The following BDH1 variants were observed in gnomAD, a reference collection of about 807,000 sequenced individuals.
BDH1 encodes D-beta-hydroxybutyrate dehydrogenase, mitochondrial.
BDH1 carries 30 observed loss-of-function variants against 33.1 expected under a neutral mutation model. The observed-to-expected ratio is 0.91, with a 90% CI of 0.68 to 1.23. The LOEUF (loss-of-function observed/expected upper bound fraction) is 1.23. BDH1 is among the 50% of genes most tolerant of loss of function. The pLI is 0.00. For missense variants in BDH1, 443 were observed against 464.4 expected, an observed-to-expected ratio of 0.95 and a Z score of 0.42; for synonymous variants, 190 against 183.6, an observed-to-expected ratio of 1.03 and a Z score of -0.28.
chr3:197,562,714 C>T (rs187599054), intron 1 of BDH1, among the ~76,000 whole-genome samples: 1 of 151,810 alleles, frequency 6.6e-6, no homozygotes, highest in African/African-American at 2.4e-5. Context: ...TCACATCGAT[C>T]CATGCACAAA....
chr3:197,526,777 G>A lies in BDH1; in HGVS notation c.268-3996C>T, dbSNP rs1383859074. On this transcript the variant is annotated intron_variant, in intron 5 of 7. Coordinates refer to ENST00000392379, the MANE Select transcript of BDH1 (RefSeq NM_203314.3). The surrounding 1 kb of genome is among the most constrained non-coding windows in gnomAD (Gnocchi z 4.7). Reference sequence around the variant, plus strand: ...CTCCGCTCCCAGACGAGCCACTCCTGTCTCAATCTCGGGCCTTTAGACTTC... The same window carrying A: ...CTCCGCTCCCAGACGAGCCACTCCTATCTCAATCTCGGGCCTTTAGACTTC... Among the ~76,000 whole-genome samples the A allele has an allele frequency of 6.6e-6, 1 of 152,196 alleles. No homozygotes were observed. The highest frequency in any genetic ancestry group is 1.9e-4 in the East Asian group (1 of 5,192).
chr3:197,543,686 G>A (rs1715850270), intron 3 of BDH1, among the ~76,000 whole-genome samples: 1 of 152,226 alleles, frequency 6.6e-6, no homozygotes, highest in South Asian at 2.1e-4. Context: ...AGTGGTGGGT[G>A]TTTTGTTCAG....
intron 5 of BDH1, among the ~76,000 whole-genome samples, chr3:197,531,737 G>A (rs1020465965): frequency 4.6e-5 from 7 of 152,148 alleles, no homozygotes; most frequent in Admixed American, 2.6e-4. Context: ...AGTGATGGAC[G>A]TATTCTAAAG....
chr3:197,543,812 G>C (rs916080913), intron 3 of BDH1, among the ~76,000 whole-genome samples: 1 of 152,218 alleles, frequency 6.6e-6, no homozygotes, highest in Non-Finnish European at 1.5e-5. Flanking sequence ...GGTGGAGTAA[G>C]AGTAGACAAG....
chr3:197,570,822 T>G (rs1215681141), intron 1 of BDH1, among the ~76,000 whole-genome samples: 2 of 152,198 alleles, frequency 1.3e-5, no homozygotes, highest in Non-Finnish European at 2.9e-5. Flanking sequence ...GGTTGAAGCC[T>G]CCACACAAAG....
At chr3:197,569,326 T>C (rs1053718235) in intron 1 of BDH1, among the ~76,000 whole-genome samples, 1 of 152,166 alleles carries the variant, frequency 6.6e-6, no homozygotes, top group Non-Finnish European at 1.5e-5. Context: ...GCATCATTCA[T>C]GTGGATAATC....
chr3:197,547,105 C>CAT (rs1331022498), intron 2 of BDH1, among the ~76,000 whole-genome samples: 3 of 152,018 alleles, frequency 2.0e-5, no homozygotes, highest in Non-Finnish European at 4.4e-5. Context: ...GTAATTAACA[C>CAT]ACACACACAC....
intron 3 of BDH1, among the ~76,000 whole-genome samples, chr3:197,537,844 C>T (rs982432131): frequency 6.6e-6 from 1 of 152,150 alleles, no homozygotes; most frequent in Non-Finnish European, 1.5e-5. Context: ...CCTTATATCC[C>T]TGGAACAAAC....
intron 6 of BDH1, among the ~76,000 whole-genome samples, chr3:197,517,153 TCTCA>T (rs1475015216): frequency 2.0e-5 from 3 of 152,066 alleles, no homozygotes; most frequent in African/African-American, 2.4e-5. Flanking sequence ...GGTCTGTTTG[TCTCA>T]CTCACTCCTC....
At chr3:197,544,822 G>A (rs1056245111) in intron 3 of BDH1, among the ~76,000 whole-genome samples, 2 of 152,228 alleles carry the variant, frequency 1.3e-5, no homozygotes, top group Middle Eastern at 3.2e-3. Context: ...CGAGGCAGGC[G>A]GATCAGTTGA....
intron 2 of BDH1, among the ~76,000 whole-genome samples, chr3:197,547,682 C>T (rs939344065): frequency 4.6e-5 from 7 of 152,258 alleles, no homozygotes; most frequent in Non-Finnish European, 1.0e-4. Context: ...ATGCGACTTC[C>T]GTGTTTAAAG....
Position 197,522,770 on chromosome 3 carries a change from A to G in BDH1, c.279T>C (p.His93=), listed in dbSNP as rs1298405951. ...GGCTGTCCAGCTCCTTGACCCCATC[A>G]TGGCCTTTGTCCTGGGGAGGAGAGA... ...FAGCLMKDKG[H]DGVKELDSLN... The change falls in exon 6 of 8, where the codon CAT becomes CAC. Residue 93 remains histidine (H), a synonymous_variant. Transcript: ENST00000392379. This position sits in a 1 kb window ranked among gnomAD's most constrained non-coding sequence, Gnocchi z 4.8. 3 of 1,613,986 alleles carry G rather than the reference A, an allele frequency of 1.9e-6. No homozygotes were observed. The highest frequency in any genetic ancestry group is 2.2e-5 in the East Asian group (1 of 44,870).
rs1278673685 is a variant in BDH1 at position 197,523,271 on chromosome 3, C to T, written c.268-490G>A. ...TGAAGGCCAAAGCACGTCCACAGGCCACATAGGACCAGCAGGCTGCCAGTT... is the reference window on the plus strand; with the variant it reads ...TGAAGGCCAAAGCACGTCCACAGGCTACATAGGACCAGCAGGCTGCCAGTT... On this transcript the variant is annotated intron_variant, in intron 5 of 7. Transcript: ENST00000392379. The surrounding 1 kb of genome is among the most constrained non-coding windows in gnomAD (Gnocchi z 4.5). 6.5e-6 allele frequency: 1 copy of T among 153,326 alleles called. No individual in the cohort carries two copies. Among genetic ancestry groups the T allele is most frequent in the Non-Finnish European group, 1.4e-5 (1 of 69,024 alleles). 9.5% of individuals were successfully genotyped at this position (153,326 alleles called of 1,614,324 possible). A position where few individuals can be genotyped will look rare whatever the true frequency, so the allele number is the denominator to read the frequency against.
At chr3:197,539,207 G>A (rs1054966550) in intron 3 of BDH1, among the ~76,000 whole-genome samples, 2 of 152,170 alleles carry the variant, frequency 1.3e-5, no homozygotes, top group African/African-American at 4.8e-5. Context: ...AGAGTGCAGT[G>A]GCGCGATCTT....
At chr3:197,532,639 C>T (rs1418847430) in intron 4 of BDH1, 117 bp from the exon 5 acceptor site, 3 of 690,072 alleles carry the variant, frequency 4.3e-6, no homozygotes, top group Middle Eastern at 6.5e-4. Flanking sequence ...CAAGCCTGGC[C>T]CTCCCTACCT....
intron 2 of BDH1, among the ~76,000 whole-genome samples, chr3:197,547,781 C>T (rs1716209152): frequency 6.6e-6 from 1 of 152,256 alleles, no homozygotes; most frequent in African/African-American, 2.4e-5. Flanking sequence ...CACTGCGTCG[C>T]AGCCACCACT....
intron 3 of BDH1, among the ~76,000 whole-genome samples, chr3:197,544,349 T>C (rs1363745412): frequency 2.0e-5 from 3 of 152,218 alleles, no homozygotes; most frequent in Admixed American, 6.5e-5. Flanking sequence ...TTTGACAATC[T>C]TTCTTTCCCC....
At chr3:197,556,039 C>T (rs1428987599), upstream of BDH1, 1 of 152,238 alleles carries the variant, frequency 6.6e-6, no homozygotes, top group African/African-American at 2.4e-5. Context: ...GCCGCCGAGC[C>T]GCCTCCTCCG....
In BDH1 at chr3:197,523,446, G is replaced by A. The variant is rs1463904645; in HGVS notation, c.268-665C>T. Among the ~76,000 whole-genome samples, 5 of 152,146 alleles carry A rather than the reference G, an allele frequency of 3.3e-5. No individual in the cohort carries two copies. Among genetic ancestry groups the A allele is most frequent in the East Asian group, 1.9e-4 (1 of 5,192 alleles). ...TCCATTTTTTCTGGCTGTAAAACAG[G>A]AACATCACCACCTGTCCTGACCTGC... On this transcript the variant is annotated intron_variant, in intron 5 of 7. Coordinates refer to ENST00000392379, the MANE Select transcript of BDH1 (RefSeq NM_203314.3). The surrounding 1 kb of genome is among the most constrained non-coding windows in gnomAD (Gnocchi z 4.5).
Sources: gnomAD v4.1 joint callset for allele counts (sites outside exome capture counted in the v4.1 genomes callset) on GRCh38, gnomAD v4.1.1 for gene constraint, Gnocchi (gnomAD v3.1) non-coding constraint, MANE v1.5 for transcripts, NCBI Gene and HGNC (gene_info 2026-07-23, HGNC 2026-07-21) for gene names.